MYO1B: variants seen among roughly 807,000 people sequenced by gnomAD.
MYO1B encodes the protein myosin IB.
Under a neutral mutation model 159.7 loss-of-function variants are expected in MYO1B, and 72 were observed. The observed-to-expected ratio is 0.45, with a 90% CI of 0.37 to 0.55. The LOEUF is 0.55. Ranked by LOEUF, MYO1B falls within the 20% of genes least tolerant of loss-of-function variation. The probability of loss-of-function intolerance (pLI) is 0.00; values close to 1 mark genes in which losing one functional copy is unlikely to be tolerated. For synonymous variants in MYO1B, 468 were observed against 473.8 expected (o/e 0.99, Z 0.16); for missense variants, 1,062 against 1,364.8 (o/e 0.78, Z 3.50).
chr2:191,360,775 T>A (rs751808850), intron 8 of MYO1B, 46 bp downstream of exon 8: 1 of 1,345,794 alleles, frequency 7.4e-7, no homozygotes, highest in South Asian at 1.2e-5. Context: ...GTTGTTGTTG[T>A]TGTTGTTGTT....
intron 1 of MYO1B, among the ~76,000 whole-genome samples, chr2:191,267,034 G>A (rs1687186006): frequency 6.6e-6 from 1 of 152,024 alleles, no homozygotes; most frequent in African/African-American, 2.4e-5. Flanking sequence ...ATTGATGTAA[G>A]GCCAGCTTTT....
At chr2:191,365,144 T>C (rs923313380) in intron 11 of MYO1B, among the ~76,000 whole-genome samples, 7 of 152,248 alleles carry the variant, frequency 4.6e-5, no homozygotes, top group Admixed American at 2.0e-4. Flanking sequence ...CCCAGGCAGC[T>C]TCTGCAGCCC....
intron 30 of MYO1B, among the ~76,000 whole-genome samples, chr2:191,421,695 C>T (rs576551343): frequency 1.3e-5 from 2 of 152,256 alleles, no homozygotes; most frequent in African/African-American, 2.4e-5. Flanking sequence ...AGGCTGGTCT[C>T]GAACTCCTGG....
At chr2:191,399,694 G>A (rs1696485859) in intron 21 of MYO1B, among the ~76,000 whole-genome samples, 1 of 152,190 alleles carries the variant, frequency 6.6e-6, no homozygotes. Context: ...ACCTTGCCCA[G>A]GCCCTCGACA....
chr2:191,422,334 A>G (rs1419172958), intron 30 of MYO1B, among the ~76,000 whole-genome samples: 1 of 152,132 alleles, frequency 6.6e-6, no homozygotes, highest in East Asian at 1.9e-4. Context: ...CAGTGATGCT[A>G]TCCTCAGTTC....
intron 21 of MYO1B, 86 bp from the exon 22 acceptor site, chr2:191,400,296 G>C (rs1007670246): frequency 7.1e-7 from 1 of 1,410,334 alleles, no homozygotes; most frequent in African/African-American, 1.4e-5. Context: ...GTGTTAGGAC[G>C]ATCATCTCTT....
chr2:191,425,112 A>T lies in MYO1B; in HGVS notation c.*1152A>T, dbSNP rs1698146067. 6.6e-6 allele frequency: 1 copy of T among 152,014 alleles called. No homozygotes were observed. The highest frequency in any genetic ancestry group is 1.5e-5 in the Non-Finnish European group (1 of 67,932). The allele number at this position is 152,014 out of a possible 1,614,324, so 9.4% of individuals were successfully genotyped here. ...TGTTTCTTATTTGGGAGGATAATGT[A>T]TATACATTGGTATTATGTTAAATAA... is the stretch of plus-strand genomic sequence containing the variant. On this transcript the variant is annotated 3_prime_UTR_variant, in exon 31 of 31. Transcript: ENST00000392318.
chr2:191,304,431 G>A (rs7576801), intron 3 of MYO1B, among the ~76,000 whole-genome samples: 80,465 of 151,938 alleles, frequency 0.53, 22,056 homozygotes, highest in East Asian at 0.65. Context: ...TTAGCCTGGC[G>A]TAGTGGTGCA....
intron 1 of MYO1B, among the ~76,000 whole-genome samples, chr2:191,272,251 C>G (rs191517548): frequency 6.6e-6 from 1 of 152,302 alleles, no homozygotes; most frequent in East Asian, 1.9e-4. Flanking sequence ...TGCCTGGCAC[C>G]AGTTGGCAGG....
chr2:191,381,147 T>A (rs745949410), intron 13 of MYO1B: 3 of 377,060 alleles, frequency 8.0e-6, no homozygotes, highest in Non-Finnish European at 1.5e-5. Context: ...GCTCACTGTG[T>A]CTTTGCTGAT....
At chr2:191,313,948 C>G (rs1007727147) in intron 3 of MYO1B, among the ~76,000 whole-genome samples, 1 of 152,120 alleles carries the variant, frequency 6.6e-6, no homozygotes, top group African/African-American at 2.4e-5. Flanking sequence ...CTCTTGTGCC[C>G]GGGAAGGGAG....
Position 191,423,960 on chromosome 2 carries a change from A to C in MYO1B, c.3411A>C (p.Ter1137TyrextTer14). ...GTCTCCTTGAAGTTGCTGTCCCTTA[A>C]CTGGCGCCTCCTCTCTACTTTCATG... ...NNRLLEVAVP[*>Y] is the part of the protein sequence containing the mutation. Residue 1137 changes from the stop codon to tyrosine (Y), a stop_lost, in exon 31 of 31, where the codon TAA becomes TAC. Coordinates refer to ENST00000392318, the MANE Select transcript of MYO1B (RefSeq NM_001130158.3). 1 of 1,612,928 alleles carries C rather than the reference A, an allele frequency of 6.2e-7. No homozygotes were observed. Among genetic ancestry groups the C allele is most frequent in the Non-Finnish European group, 8.5e-7 (1 of 1,179,556 alleles).
Position 191,364,267 on chromosome 2 carries a change from T to C in MYO1B, c.1023T>C (p.Asn341=), listed in dbSNP as rs1693856510. The change falls in exon 11 of 31, where the codon AAT becomes AAC. Residue 341 remains asparagine, a synonymous_variant. Coordinates refer to ENST00000392318, the MANE Select transcript of MYO1B (RefSeq NM_001130158.3). ...AGGAGAAAGTTTCAACTACACTGAA[T>C]GTGGCTCAGGTGGGTGAAACATAAT... ...AKQEKVSTTL[N]VAQAYYARDA... 2 of 1,612,418 alleles carry C rather than the reference T, an allele frequency of 1.2e-6. No homozygotes were observed. Among genetic ancestry groups the C allele is most frequent in the Admixed American group, 1.7e-5 (1 of 59,986 alleles).
At position 191,414,528 on chromosome 2, in the gene MYO1B, G is replaced by C. The variant is rs755427851; in HGVS notation, c.3018G>C (p.Arg1006=). 1.2e-6 allele frequency: 2 copies of C among 1,607,648 alleles called. No homozygotes were observed. The highest frequency in any genetic ancestry group is 1.7e-6 in the Non-Finnish European group (2 of 1,177,894). Residue 1006 remains arginine, a synonymous_variant, in exon 29 of 31, where the codon CGG becomes CGC. Transcript: ENST00000392318. The stretch of plus-strand genomic sequence containing the variant: ...TTATTTTGATTTAGAGTACATCTCG[G>C]ATTTTCCTCTTAACAAACAATAATC... ...INRANGKSTS[R]IFLLTNNNLL...
At chr2:191,288,076 C>T (rs868008781) in intron 2 of MYO1B, among the ~76,000 whole-genome samples, 1 of 151,964 alleles carries the variant, frequency 6.6e-6, no homozygotes, top group East Asian at 1.9e-4. Flanking sequence ...TTCCATTGTA[C>T]GTATCTACAT....
At chr2:191,254,952 G>A (rs562591546) in intron 1 of MYO1B, among the ~76,000 whole-genome samples, 19 of 152,224 alleles carry the variant, frequency 1.2e-4, no homozygotes, top group African/African-American at 4.6e-4. Flanking sequence ...TTTAGAGACA[G>A]GGTCTCTCTT....
intron 30 of MYO1B, among the ~76,000 whole-genome samples, chr2:191,418,523 CTT>C (rs1330714412): frequency 9.6e-6 from 1 of 103,872 alleles, no homozygotes; most frequent in Non-Finnish European, 1.8e-5. Flanking sequence ...GAGTTTCGCT[CTT>C]GTTGCCAAGG....
chr2:191,412,846 A>G (rs78547040), intron 27 of MYO1B, among the ~76,000 whole-genome samples: 272 of 14,118 alleles, frequency 0.019, no homozygotes, highest in Admixed American at 0.028. Context: ...TTTGTTTGGG[A>G]AAAAAAAAAT....
In MYO1B at chr2:191,409,188, G is replaced by A. The variant is rs772787288; in HGVS notation, c.2766+10G>A. 1.3e-6 allele frequency: 2 copies of A among 1,598,462 alleles called. No homozygotes were observed. Among genetic ancestry groups the A allele is most frequent in the Admixed American group, 1.8e-5 (1 of 55,320 alleles). On this transcript the variant is annotated intron_variant, in intron 26 of 30. Transcript: ENST00000392318. ...TTTCCACTTGTGGAGGGTAAAAAAT[G>A]TCATATTACATCTTTTCGGAGACTT...
Sources: allele counts gnomAD v4.1 joint callset (sites outside exome capture counted in the v4.1 genomes callset), GRCh38; gene constraint gnomAD v4.1.1; transcripts MANE v1.5; gene names NCBI Gene and HGNC (gene_info 2026-07-23, HGNC 2026-07-21).